Variants in DRD4 observed in about 807,000 individuals in gnomAD.
DRD4 encodes the protein D(4) dopamine receptor.
In DRD4, 26 loss-of-function variants were observed where a neutral mutation model predicts 22.1. The observed-to-expected ratio is 1.17, with a 90% CI of 0.86 to 1.63. The LOEUF (loss-of-function observed/expected upper bound fraction) is 1.63. Among genes scored for constraint, DRD4 ranks in the 40% most tolerant of loss-of-function variants. DRD4 has a pLI of 0.00. For missense variants in DRD4, 913 were observed against 632.4 expected, an observed-to-expected ratio of 1.44 and a Z score of -4.76; for synonymous variants, 455 against 306.7, an observed-to-expected ratio of 1.48 and a Z score of -5.05.
At position 639,248 on chromosome 11, in the gene DRD4, C is replaced by A. The variant is rs1858140105; in HGVS notation, c.286-185C>A. 5 of 621,686 alleles carry A rather than the reference C, an allele frequency of 8.0e-6. No individual in the cohort carries two copies. In the South Asian group the frequency reaches 8.9e-5, roughly 11 times the overall value. 38.5% of individuals were successfully genotyped at this position (621,686 alleles called of 1,614,324 possible). On this transcript the variant is annotated intron_variant, in intron 1 of 3. Coordinates refer to ENST00000176183, the MANE Select transcript of DRD4 (RefSeq NM_000797.4). ...CCAGCCGCGGTGACACAGCGAGACC[C>A]TAACTCAAAACAAAGGGAGATCTGC... is the stretch of plus-strand genomic sequence containing the variant.
chr11:639,265 G>A (rs1032536246), intron 1 of DRD4, 168 bp from the exon 2 acceptor site: 2 of 651,610 alleles, frequency 3.1e-6, no homozygotes, highest in African/African-American at 3.6e-5. Context: ...AAAACAAAGG[G>A]AGATCTGCGT....
At chr11:638,808 G>A (rs1314542854) in intron 1 of DRD4, among the ~76,000 whole-genome samples, 5 of 152,198 alleles carry the variant, frequency 3.3e-5, no homozygotes, top group Non-Finnish European at 7.3e-5. Flanking sequence ...ACAAAAGGGA[G>A]ACCAAGGCCA....
chr11:637,649 C>G (rs1858094703), intron 1 of DRD4, 60 bp downstream of exon 1: 1 of 1,534,556 alleles, frequency 6.5e-7, no homozygotes, highest in South Asian at 1.2e-5. Context: ...CGTCCCTGTC[C>G]CTACGGAGGA....
At position 637,294 on chromosome 11, in the gene DRD4, C is replaced by G. The variant is rs146680769; in HGVS notation, c.-11C>G. 2.5e-6 allele frequency: 3 copies of G among 1,196,016 alleles called. No individual in the cohort carries two copies. The highest frequency in any genetic ancestry group is 3.6e-5 in the South Asian group (1 of 27,478). The allele number at this position is 1,196,016 out of a possible 1,614,324, so 74.1% of individuals were successfully genotyped here. A position where few individuals can be genotyped will look rare whatever the true frequency, so the allele number is the denominator to read the frequency against. On this transcript the variant is annotated 5_prime_UTR_variant, in exon 1 of 4. Coordinates refer to ENST00000176183, the MANE Select transcript of DRD4 (RefSeq NM_000797.4). ...GTTGTCCGCGGTGCTCAGCGCCCGC[C>G]CGGGCGCGCCATGGGGAACCGCAGC...
At chr11:639,396 G>T (rs769942065) in intron 1 of DRD4, 37 bp from the exon 2 acceptor site, 10 of 1,550,488 alleles carry the variant, frequency 6.4e-6, no homozygotes, top group African/African-American at 4.1e-5. Flanking sequence ...GCCCGCGGTG[G>T]CTGGGAAACC....
chr11:640,496 G>C lies in DRD4; in HGVS notation c.1153G>C (p.Val385Leu). 1.9e-6 allele frequency: 3 copies of C among 1,602,062 alleles called. No homozygotes were observed. The highest frequency in any genetic ancestry group is 2.5e-6 in the Non-Finnish European group (3 of 1,179,824). ...CGTGCCCCCGCGGCTGGTCAGCGCC[G>C]TCACCTGGCTGGGCTACGTCAACAG... ...CSVPPRLVSA[V>L]TWLGYVNSAL... Residue 385 changes from valine (V) to leucine (L), a missense_variant, in exon 4 of 4, where the codon GTC (valine) becomes CTC (leucine). Coordinates refer to ENST00000176183, the MANE Select transcript of DRD4 (RefSeq NM_000797.4).
chr11:640,346 G>C (rs761647489), intron 3 of DRD4, 40 bp downstream of exon 3: 85 of 1,552,468 alleles, frequency 5.5e-5, no homozygotes, highest in Admixed American at 3.3e-4. Flanking sequence ...AGAGGAGGGG[G>C]GGGGTACGAG....
In DRD4 at chr11:637,596, C is replaced by G; in HGVS notation, c.285+7C>G. The G allele has an allele frequency of 6.5e-7, 1 of 1,543,558 alleles. No individual in the cohort carries two copies. The highest frequency in any genetic ancestry group is 8.7e-7 in the Non-Finnish European group (1 of 1,148,516). On this transcript the variant is annotated splice_region_variant and intron_variant, in intron 1 of 3. Transcript: ENST00000176183. ...GCTCTTCGTCTACTCCGAGGTGAGC[C>G]GCGTCCGGCCGCACGAGCATCCTCA...
rs1184211548 is a variant in DRD4 at position 640,114 on chromosome 11, C to A, written c.865C>A (p.Pro289Thr). Residue 289 changes from proline to threonine, a missense_variant, in exon 3 of 4, where the codon CCC becomes ACC. Transcript: ENST00000176183. ...CGCCGCGCCCAGCCTCCCCCAGGAC[C>A]CCTGCGGCCCCGACTGTGCGCCCCC... Reference protein sequence around the residue: ...APAAPSLPQDPCGPDCAPPAP... With the variant: ...APAAPSLPQDTCGPDCAPPAP... 1.5e-6 allele frequency: 2 copies of A among 1,368,558 alleles called. No homozygotes were observed. Among genetic ancestry groups the A allele is most frequent in the Non-Finnish European group, 1.9e-6 (2 of 1,055,626 alleles). The allele number at this position is 1,368,558 out of a possible 1,614,324, so 84.8% of individuals were successfully genotyped here.
Position 637,397 on chromosome 11 carries a change from T to C in DRD4, c.93T>C (p.Ala31=), listed in dbSNP as rs1265014684. 4.1e-6 allele frequency: 6 copies of C among 1,466,690 alleles called. No homozygotes were observed. In the African/African-American group the frequency reaches 7.4e-5, roughly 18 times the overall value. 90.9% of individuals were successfully genotyped at this position (1,466,690 alleles called of 1,614,324 possible). Residue 31 remains alanine, a synonymous_variant, in exon 1 of 4, where the codon GCT becomes GCC. Transcript: ENST00000176183. The stretch of plus-strand genomic sequence containing the variant: ...CTGCGGGGGCATCTGCGGGGCTGGC[T>C]GGGCAGGGCGCGGCGGCGCTGGTGG... The part of the protein sequence containing the change: ...GASAGASAGL[A]GQGAAALVGG...
chr11:639,716 T>C lies in DRD4; in HGVS notation c.467T>C (p.Ile156Thr), dbSNP rs757732258. ...QGGSRRQLLL[I>T]GATWLLSAAV... ...GGGAGCCGCCGGCAGCTGCTGCTCA[T>C]CGGCGCCACGTGGCTGCTGTCCGCG... Residue 156 changes from isoleucine (I) to threonine (T), a missense_variant, in exon 3 of 4, where the codon ATC becomes ACC. By Grantham distance (89) the Ile-to-Thr change is moderately conservative. Coordinates refer to ENST00000176183, the MANE Select transcript of DRD4 (RefSeq NM_000797.4). The C allele has an allele frequency of 1.3e-5, 19 of 1,502,190 alleles. No individual in the cohort carries two copies. Among genetic ancestry groups the C allele is most frequent in the Middle Eastern group, 2.3e-4 (1 of 4,328 alleles). The allele number at this position is 1,502,190 out of a possible 1,614,324, so 93.1% of individuals were successfully genotyped here.
chr11:637,609 A>AC lies in DRD4; in HGVS notation c.285+21dup. 6.5e-7 allele frequency: 1 copy of AC among 1,541,000 alleles called. No homozygotes were observed. The highest frequency in any genetic ancestry group is 1.4e-5 in the African/African-American group (1 of 73,148). ...TCCGAGGTGAGCCGCGTCCGGCCGC[A>AC]CGAGCATCCTCACCTGCTCCTCGGT... On this transcript the variant is annotated intron_variant, in intron 1 of 3. Transcript: ENST00000176183.
chr11:639,447 G>A lies in DRD4; in HGVS notation c.300G>A (p.Ala100=), dbSNP rs1490373066. 9.4e-6 allele frequency: 15 copies of A among 1,595,014 alleles called. No homozygotes were observed. Among genetic ancestry groups the A allele is most frequent in the African/African-American group, 5.4e-5 (4 of 74,602 alleles). The change falls in exon 2 of 4, where the codon GCG becomes GCA. Residue 100 remains alanine, a synonymous_variant. Coordinates refer to ENST00000176183, the MANE Select transcript of DRD4 (RefSeq NM_000797.4). Reference sequence around the variant, plus strand: ...TCGCCGCGCAGGTCCAGGGTGGCGCGTGGCTGCTGAGCCCCCGCCTGTGCG... The same window carrying A: ...TCGCCGCGCAGGTCCAGGGTGGCGCATGGCTGCTGAGCCCCCGCCTGTGCG... ...LFVYSEVQGG[A]WLLSPRLCDA...
chr11:638,488 C>T (rs1858119988), intron 1 of DRD4, among the ~76,000 whole-genome samples: 1 of 152,184 alleles, frequency 6.6e-6, no homozygotes, highest in South Asian at 2.1e-4. Flanking sequence ...CTCCTTTGCC[C>T]TTGGAGAGAG....
In DRD4 at chr11:640,390, G is replaced by A. The variant is rs778207427; in HGVS notation, c.1058-11G>A. The stretch of plus-strand genomic sequence containing the variant: ...GGCGGGGGGCGCTAACGCGGCTCTC[G>A]GCGCCCCCAGGGGCCTTCCTGCTGT... On this transcript the variant is annotated splice_polypyrimidine_tract_variant and intron_variant, in intron 3 of 3. Transcript: ENST00000176183. 6 of 1,596,670 alleles carry A rather than the reference G, an allele frequency of 3.8e-6. No homozygotes were observed. Among genetic ancestry groups the A allele is most frequent in the Non-Finnish European group, 5.1e-6 (6 of 1,178,700 alleles).
chr11:640,611 A>G lies in DRD4; in HGVS notation c.*8A>G. 1 of 1,598,710 alleles carries G rather than the reference A, an allele frequency of 6.3e-7. No individual in the cohort carries two copies. The highest frequency in any genetic ancestry group is 8.5e-7 in the Non-Finnish European group (1 of 1,179,662). On this transcript the variant is annotated 3_prime_UTR_variant, in exon 4 of 4. Coordinates refer to ENST00000176183, the MANE Select transcript of DRD4 (RefSeq NM_000797.4). Reference sequence around the variant, plus strand: ...CTGCGTGCCTGCTGCTGAGCCGGGCACCCCCGGACGCCCCCCGGCCTGATG... The same window carrying G: ...CTGCGTGCCTGCTGCTGAGCCGGGCGCCCCCGGACGCCCCCCGGCCTGATG...
In DRD4 at chr11:637,695, TCCAGCTGGGGCG is replaced by T. The variant is rs1399989767; in HGVS notation, c.285+107_285+118del. Reference sequence around the variant, plus strand: ...CCCGGCCCCTTTCTGGTGCGGAGCTTCCAGCTGGGGCGGCGGCAGGGGCGCTGCGCCTTGTCC... The same window carrying T: ...CCCGGCCCCTTTCTGGTGCGGAGCTTGCGGCAGGGGCGCTGCGCCTTGTCC... On this transcript the variant is annotated intron_variant, in intron 1 of 3. Coordinates refer to ENST00000176183, the MANE Select transcript of DRD4 (RefSeq NM_000797.4). 20 of 1,522,758 alleles carry T rather than the reference TCCAGCTGGGGCG, an allele frequency of 1.3e-5. No individual in the cohort carries two copies. In the African/African-American group the frequency reaches 2.7e-4, roughly 21 times the overall value. The allele number at this position is 1,522,758 out of a possible 1,614,324, so 94.3% of individuals were successfully genotyped here.
rs576523248 is a variant in DRD4, at chr11:637,843, C to T, written c.285+254C>T. 3.3e-5 allele frequency among the ~76,000 whole-genome samples: 5 copies of T among 152,346 alleles called. No homozygotes were observed. The South Asian group carries it at 1.0e-3, about 32-fold the overall frequency. ...CCCGTCTGTCTTGGCGTCTGTTATC[C>T]AGGAGATGCCCGTCCTTCTATCCAG... On this transcript the variant is annotated intron_variant, in intron 1 of 3. Transcript: ENST00000176183.
intron 2 of DRD4, 23 bp downstream of exon 2, chr11:639,568 GCCCCGGCGCC>G: frequency 7.1e-7 from 1 of 1,401,580 alleles, no homozygotes; most frequent in East Asian, 3.2e-5. Flanking sequence ...CCCCGCCCGC[GCCCCGGCGCC>G]CCCGCGCCCC....
Sources: allele counts gnomAD v4.1 joint callset (sites outside exome capture counted in the v4.1 genomes callset), GRCh38; gene constraint gnomAD v4.1.1; transcripts MANE v1.5; gene names NCBI Gene and HGNC (gene_info 2026-07-23, HGNC 2026-07-21).